The following FMN1 variants were observed in gnomAD, a reference collection of about 807,000 sequenced individuals.
FMN1 encodes formin-1.
In FMN1, 110 loss-of-function variants were observed where a neutral mutation model predicts 132.4. The observed-to-expected ratio is 0.83, with a 90% CI of 0.71 to 0.97. The LOEUF (loss-of-function observed/expected upper bound fraction) is 0.97, where lower values mean the gene tolerates loss of function less well. FMN1 is among the 50% of genes least tolerant of loss of function. The pLI is 0.00. For missense variants in FMN1, 1,792 were observed against 1,705.3 expected, an observed-to-expected ratio of 1.05 and a Z score of -0.90; for synonymous variants, 722 against 651.7, an observed-to-expected ratio of 1.11 and a Z score of -1.64.
intron 15 of FMN1, among the ~76,000 whole-genome samples, chr15:32,894,564 T>C (rs2060109158): frequency 6.6e-6 from 1 of 151,970 alleles, no homozygotes; most frequent in Non-Finnish European, 1.5e-5. Flanking sequence ...TAATTCCTCA[T>C]ATATACATAC....
At chr15:33,168,203 A>G (rs1432000774) in intron 3 of FMN1, among the ~76,000 whole-genome samples, 7 of 152,214 alleles carry the variant, frequency 4.6e-5, no homozygotes, top group Non-Finnish European at 7.3e-5. Flanking sequence ...AGTCTCTCTG[A>G]GTAAAAGTGA....
chr15:33,155,665 TTTTA>T (rs1415985368), intron 3 of FMN1, among the ~76,000 whole-genome samples: 1 of 152,222 alleles, frequency 6.6e-6, no homozygotes, highest in Non-Finnish European at 1.5e-5. Flanking sequence ...CTGTTTTCTT[TTTTA>T]TTTATTTTTT....
chr15:33,033,151 C>T (rs2036020638), intron 6 of FMN1, among the ~76,000 whole-genome samples: 1 of 152,126 alleles, frequency 6.6e-6, no homozygotes, highest in Non-Finnish European at 1.5e-5. Flanking sequence ...CTGCCTCAGC[C>T]TCCCGAGTAG....
chr15:33,175,959 G>A (rs1043487521), intron 3 of FMN1, among the ~76,000 whole-genome samples: 12 of 152,128 alleles, frequency 7.9e-5, no homozygotes, highest in South Asian at 2.1e-4. Context: ...CAATTTATCC[G>A]AATATTGTAG....
chr15:33,181,102 G>C (rs548247834), intron 2 of FMN1, among the ~76,000 whole-genome samples: 1 of 152,108 alleles, frequency 6.6e-6, no homozygotes, highest in African/African-American at 2.4e-5. Flanking sequence ...GAAAGGCTCC[G>C]TGTGGTCAGG....
At chr15:33,063,284 G>C (rs982347102) in intron 6 of FMN1, 1 of 152,372 alleles carries the variant, frequency 6.6e-6, no homozygotes, top group African/African-American at 2.4e-5. Context: ...GAAGAGATCA[G>C]GTTGTGTGCC....
At chr15:33,130,175 C>A (rs1006593383) in intron 4 of FMN1, among the ~76,000 whole-genome samples, 3 of 152,196 alleles carry the variant, frequency 2.0e-5, no homozygotes, top group African/African-American at 7.2e-5. Context: ...TTCAGAAAAC[C>A]TTCCTCTTAT....
intron 3 of FMN1, among the ~76,000 whole-genome samples, chr15:33,163,324 C>T (rs1964968811): frequency 6.9e-6 from 1 of 144,050 alleles, no homozygotes. Context: ...GACTGAGTTT[C>T]GCTCTCGTTG....
intron 19 of FMN1, among the ~76,000 whole-genome samples, chr15:32,777,342 T>G (rs2056451035): frequency 6.6e-6 from 1 of 151,722 alleles, no homozygotes; most frequent in Non-Finnish European, 1.5e-5. Flanking sequence ...AATTAAGATG[T>G]GATAACCTAT....
chr15:33,115,964 T>C (rs1369393414), intron 4 of FMN1, among the ~76,000 whole-genome samples: 1 of 152,162 alleles, frequency 6.6e-6, no homozygotes, highest in Non-Finnish European at 1.5e-5. Flanking sequence ...GCAATAATAG[T>C]AAGTTTCTCA....
chr15:32,853,729 T>C (rs2059061954), intron 17 of FMN1, among the ~76,000 whole-genome samples: 1 of 152,208 alleles, frequency 6.6e-6, no homozygotes, highest in Admixed American at 6.5e-5. Context: ...CCCTAAACCA[T>C]ACATTTCAGA....
intron 12 of FMN1, among the ~76,000 whole-genome samples, chr15:32,903,991 C>T (rs982545742): frequency 5.9e-5 from 9 of 152,168 alleles, no homozygotes; most frequent in African/African-American, 1.7e-4. Flanking sequence ...AAAATTCATA[C>T]TAGAAGATCA....
chr15:32,978,858 C>T (rs2032418393), intron 7 of FMN1, among the ~76,000 whole-genome samples: 1 of 152,074 alleles, frequency 6.6e-6, no homozygotes, highest in Admixed American at 6.5e-5. Flanking sequence ...TACATACTCC[C>T]AACATTTAGT....
chr15:33,055,348 G>C (rs1413122293), intron 6 of FMN1, among the ~76,000 whole-genome samples: 3 of 152,090 alleles, frequency 2.0e-5, no homozygotes, highest in Non-Finnish European at 4.4e-5. Flanking sequence ...TTGAACCAAT[G>C]AAAACCTTAC....
intron 7 of FMN1, among the ~76,000 whole-genome samples, chr15:32,991,711 G>A (rs537160839): frequency 5.9e-5 from 9 of 152,222 alleles, no homozygotes; most frequent in African/African-American, 1.9e-4. Flanking sequence ...TGGTCCTTCC[G>A]TCAGACACCG....
rs1313590591 is a variant in FMN1, at chr15:32,950,004, CAT to C, written c.3138+14101_3138+14102del. Among the ~76,000 whole-genome samples, 7 of 22,420 alleles carry C rather than the reference CAT, an allele frequency of 3.1e-4. 1 individual carries two copies. The highest frequency in any genetic ancestry group is 5.7e-4 in the African/African-American group (2 of 3,518). 14.7% of individuals were successfully genotyped at this position (22,420 alleles called of 152,430 possible). Reference sequence around the variant, plus strand: ...ACACACACATATATATACACATACACATATATATATACACATATATATATATA... The same window carrying C: ...ACACACACATATATATACACATACACATATATATACACATATATATATATA... On this transcript the variant is annotated intron_variant, in intron 9 of 20. Coordinates refer to ENST00000616417, the MANE Select transcript of FMN1 (RefSeq NM_001277313.2).
Position 32,948,490 on chromosome 15 carries a change from T to C in FMN1, c.3138+15617A>G, listed in dbSNP as rs147170637. On this transcript the variant is annotated intron_variant, in intron 9 of 20. Coordinates refer to ENST00000616417, the MANE Select transcript of FMN1 (RefSeq NM_001277313.2). ...TTTTGTGTAAGAAAGACATGCTTAGTGTAATAAAATAAGCTGGACCTCGCA... is the reference window on the plus strand; with the variant it reads ...TTTTGTGTAAGAAAGACATGCTTAGCGTAATAAAATAAGCTGGACCTCGCA... 6.6e-4 allele frequency among the ~76,000 whole-genome samples: 100 copies of C among 152,148 alleles called. 1 individual carries two copies. The highest frequency in any genetic ancestry group is 2.3e-3 in the African/African-American group (94 of 41,558).
At chr15:33,124,647 T>C (rs979685647) in intron 4 of FMN1, among the ~76,000 whole-genome samples, 2 of 152,186 alleles carry the variant, frequency 1.3e-5, no homozygotes, top group African/African-American at 4.8e-5. Context: ...TAATAATCTG[T>C]GTTCTTTTCA....
intron 19 of FMN1, among the ~76,000 whole-genome samples, chr15:32,781,375 TA>T (rs1306198303): frequency 6.6e-6 from 1 of 152,218 alleles, no homozygotes; most frequent in Non-Finnish European, 1.5e-5. Context: ...ACACATTTAG[TA>T]ATCCCATCTC....
Sources: gnomAD v4.1 joint callset for allele counts (sites outside exome capture counted in the v4.1 genomes callset) on GRCh38, gnomAD v4.1.1 for gene constraint, MANE v1.5 for transcripts, NCBI Gene and HGNC (gene_info 2026-07-23, HGNC 2026-07-21) for gene names.